Variants in SNRNP35 observed in about 807,000 individuals in gnomAD.
SNRNP35 encodes U11/U12 small nuclear ribonucleoprotein 35 kDa protein.
SNRNP35 carries 16 observed loss-of-function variants against 24.3 expected under a neutral mutation model. The ratio of observed to expected loss-of-function variants is 0.66; its 90% CI spans 0.45 to 1.00. SNRNP35 has a LOEUF of 1.00. Among genes scored for constraint, SNRNP35 ranks in the 50% least tolerant of loss-of-function variants. The pLI is 0.00. For missense variants in SNRNP35, 292 were observed against 327.2 expected, an observed-to-expected ratio of 0.89 and a Z score of 0.83; for synonymous variants, 106 against 124.8, an observed-to-expected ratio of 0.85 and a Z score of 1.00.
At chr12:123,460,889 TTCAGGCAATC>T (rs1470355974) in intron 1 of SNRNP35, among the ~76,000 whole-genome samples, 4 of 151,632 alleles carry the variant, frequency 2.6e-5, no homozygotes, top group African/African-American at 9.7e-5. Flanking sequence ...AACTCCCGAC[TTCAGGCAATC>T]TGCCCACTTT....
exon 2 of SNRNP35, chr12:123,472,578 C>G (rs1289035966): frequency 6.4e-7 from 1 of 1,555,334 alleles, no homozygotes; most frequent in Non-Finnish European, 8.7e-7. Flanking sequence ...CTCTGTGTAA[C>G]CGTCATCGCG....
chr12:123,465,653 G>A lies in SNRNP35; in HGVS notation c.113G>A (p.Arg38Gln), dbSNP rs749023802. The change falls in exon 2 of 2, where the codon CGA (arginine) becomes CAA (glutamine). Residue 38 changes from arginine (R) to glutamine (Q), a missense_variant. Arg to Gln is a conservative substitution (Grantham distance 43, BLOSUM62 1). Transcript: ENST00000526639. This position sits in a 1 kb window ranked among gnomAD's most constrained non-coding sequence, Gnocchi z 4.2. ...GCGGTCTGGAGGGCAATGCTGGCAC[G>A]ATATGTCCCCAACAAAGGTGTCATA... The part of the protein sequence containing the change: ...DRAVWRAMLA[R>Q]YVPNKGVIGD... 23 of 1,613,754 alleles carry A rather than the reference G, an allele frequency of 1.4e-5. No individual in the cohort carries two copies. The highest frequency in any genetic ancestry group is 1.6e-4 in the Middle Eastern group (1 of 6,080).
At chr12:123,470,802 G>A (rs963493985), downstream of SNRNP35, 1 of 152,116 alleles carries the variant, frequency 6.6e-6, no homozygotes, top group Non-Finnish European at 1.5e-5. Context: ...GAGACATTTA[G>A]TGTTTAGGAA....
At chr12:123,460,759 C>A (rs1198691724) in intron 1 of SNRNP35, among the ~76,000 whole-genome samples, 2 of 151,776 alleles carry the variant, frequency 1.3e-5, no homozygotes, top group African/African-American at 4.8e-5. Flanking sequence ...AAAAAAAATT[C>A]AAGCGATTCT....
chr12:123,464,792 C>T (rs1880851722), intron 1 of SNRNP35: 1 of 152,202 alleles, frequency 6.6e-6, no homozygotes. Flanking sequence ...GAAGAAATCC[C>T]ATGTTCCTTT....
Position 123,472,541 on chromosome 12 carries a change from C to T in SNRNP35, n.1548C>T, listed in dbSNP as rs1282027096. ...GGAGGGTGGAGATGGGCCAAGGTCA[C>T]AGATGCTGCAGGGCTTCCTGTCCTT... is the stretch of plus-strand genomic sequence containing the variant. On this transcript the variant is annotated non_coding_transcript_exon_variant, in exon 2 of 2. Coordinates refer to the SNRNP35 transcript ENST00000527158. 5.2e-6 allele frequency: 8 copies of T among 1,551,270 alleles called. No homozygotes were observed. In the South Asian group the frequency reaches 8.3e-5, roughly 16 times the overall value.
chr12:123,458,398 A>C (rs1483712660), intron 1 of SNRNP35, among the ~76,000 whole-genome samples, 182 bp downstream of exon 1: 1 of 148,306 alleles, frequency 6.7e-6, no homozygotes, highest in African/African-American at 2.4e-5. Flanking sequence ...ATGGCGCCTT[A>C]CTCCCTGCGG....
rs372140743 is a variant in SNRNP35 at position 123,466,353 on chromosome 12, C to T, written c.*72C>T. The T allele has an allele frequency of 1.2e-4, 175 of 1,419,226 alleles. No homozygotes were observed. The highest frequency in any genetic ancestry group is 6.3e-4 in the Admixed American group (25 of 39,928). 87.9% of individuals were successfully genotyped at this position (1,419,226 alleles called of 1,614,324 possible). A position where few individuals can be genotyped will look rare whatever the true frequency, so the allele number is the denominator to read the frequency against. On this transcript the variant is annotated 3_prime_UTR_variant, in exon 2 of 2. Coordinates refer to ENST00000526639, the MANE Select transcript of SNRNP35 (RefSeq NM_022717.4). Reference sequence around the variant, plus strand: ...GGAGGGGGATTGTCTTTCAACGCAGCGTGAGTCTAATGGTTGAATAAAACT... The same window carrying T: ...GGAGGGGGATTGTCTTTCAACGCAGTGTGAGTCTAATGGTTGAATAAAACT...
In SNRNP35 at chr12:123,458,206, G is replaced by A. The variant is rs1175706365; in HGVS notation, c.-14G>A. 2.0e-6 allele frequency: 2 copies of A among 985,406 alleles called. No individual in the cohort carries two copies. Among genetic ancestry groups the A allele is most frequent in the East Asian group, 2.3e-4 (2 of 8,826 alleles). 61.0% of individuals were successfully genotyped at this position (985,406 alleles called of 1,614,324 possible). ...CTGTCTCCGTCGGAAGGGAGCCCAAGCTTTGCAGAGGTGAGTGGAAGCGGC... is the reference window on the plus strand; with the variant it reads ...CTGTCTCCGTCGGAAGGGAGCCCAAACTTTGCAGAGGTGAGTGGAAGCGGC... On this transcript the variant is annotated 5_prime_UTR_variant, in exon 1 of 2. Transcript: ENST00000526639.
At chr12:123,472,759 A>G (rs1037914602) in exon 2 of SNRNP35, 3 of 1,486,968 alleles carry the variant, frequency 2.0e-6, no homozygotes, top group Non-Finnish European at 2.7e-6. Context: ...AATGCCGGAG[A>G]CATATAGCAG....
At chr12:123,472,637 C>T (rs1342114516) in exon 2 of SNRNP35, 3 of 1,596,216 alleles carry the variant, frequency 1.9e-6, no homozygotes, top group Non-Finnish European at 2.6e-6. Flanking sequence ...GCACGTTTCT[C>T]TGTGTGTTGG....
rs1349118783 is a variant in SNRNP35 at position 123,465,732 on chromosome 12, G to A, written c.192G>A (p.Glu64=). The change falls in exon 2 of 2, where the codon GAG becomes GAA. Residue 64 remains glutamate (E), a synonymous_variant. Coordinates refer to ENST00000526639, the MANE Select transcript of SNRNP35 (RefSeq NM_022717.4). This position sits in a 1 kb window ranked among gnomAD's most constrained non-coding sequence, Gnocchi z 4.2. ...FVARLNLQTK[E]DKLKEVFSRY... ...CCAGACTAAACTTGCAGACCAAGGA[G>A]GACAAATTAAAGGAAGTCTTTTCCC... The A allele has an allele frequency of 2.5e-6, 4 of 1,613,808 alleles. No homozygotes were observed. Among genetic ancestry groups the A allele is most frequent in the African/African-American group, 1.3e-5 (1 of 74,888 alleles).
exon 2 of SNRNP35, chr12:123,472,637 CTG>C: frequency 4.4e-6 from 7 of 1,596,216 alleles, no homozygotes; most frequent in Non-Finnish European, 6.0e-6. Flanking sequence ...GCACGTTTCT[CTG>C]TGTGTTGGCC....
Position 123,466,598 on chromosome 12 carries a change from G to GA in SNRNP35, c.*318dup, listed in dbSNP as rs1880997242. On this transcript the variant is annotated 3_prime_UTR_variant, in exon 2 of 2. Coordinates refer to ENST00000526639, the MANE Select transcript of SNRNP35 (RefSeq NM_022717.4). ...GAGTCTCACTCTGTTGCCAGGGCTGGAGTGCAGTGGTAAAATCTTGGCTCA... is the reference window on the plus strand; with the variant it reads ...GAGTCTCACTCTGTTGCCAGGGCTGGAAGTGCAGTGGTAAAATCTTGGCTCA... The GA allele has an allele frequency of 5.4e-6, 1 of 186,892 alleles. No individual in the cohort carries two copies. The highest frequency in any genetic ancestry group is 1.1e-5 in the Non-Finnish European group (1 of 91,816). The allele number at this position is 186,892 out of a possible 1,614,324, so 11.6% of individuals were successfully genotyped here. A position where few individuals can be genotyped will look rare whatever the true frequency, so the allele number is the denominator to read the frequency against.
Position 123,465,899 on chromosome 12 carries a change from A to G in SNRNP35, c.359A>G (p.His120Arg), listed in dbSNP as rs141479057. Residue 120 changes from histidine to arginine, a missense_variant, in exon 2 of 2, where the codon CAT (histidine) becomes CGT (arginine). Transcript: ENST00000526639. The surrounding 1 kb of genome is among the most constrained non-coding windows in gnomAD (Gnocchi z 4.2). ...GCTGATGGCCTGGTTATTGACCAGCATGAGATATTTGTGGACTACGAGCTG... is the reference window on the plus strand; with the variant it reads ...GCTGATGGCCTGGTTATTGACCAGCGTGAGATATTTGTGGACTACGAGCTG... ...RDADGLVIDQ[H>R]EIFVDYELER... The G allele has an allele frequency of 2.5e-6, 4 of 1,614,000 alleles. No individual in the cohort carries two copies. Among genetic ancestry groups the G allele is most frequent in the Non-Finnish European group, 3.4e-6 (4 of 1,180,000 alleles).
In SNRNP35 at chr12:123,465,437, G is replaced by A; in HGVS notation, c.-3-101G>A. On this transcript the variant is annotated intron_variant, in intron 1 of 1. Transcript: ENST00000526639. The surrounding 1 kb of genome is among the most constrained non-coding windows in gnomAD (Gnocchi z 4.2). ...TGTTCCCTTCCTTTCCTGTTTTTAA[G>A]AAGAGGTGAATGATAGTATCCTTTT... 1 of 1,365,604 alleles carries A rather than the reference G, an allele frequency of 7.3e-7. No homozygotes were observed. The highest frequency in any genetic ancestry group is 1.5e-5 in the African/African-American group (1 of 68,834). 84.6% of individuals were successfully genotyped at this position (1,365,604 alleles called of 1,614,324 possible). A position where few individuals can be genotyped will look rare whatever the true frequency, so the allele number is the denominator to read the frequency against.
intron 1 of SNRNP35, among the ~76,000 whole-genome samples, chr12:123,461,377 C>T (rs896826153): frequency 4.2e-5 from 6 of 141,936 alleles, no homozygotes; most frequent in Non-Finnish European, 9.3e-5. Flanking sequence ...CTGCCCGCCT[C>T]GGCCTCCCAA....
At chr12:123,458,313 A>G (rs1880390506) in intron 1 of SNRNP35, 97 bp downstream of exon 1, 5 of 832,668 alleles carry the variant, frequency 6.0e-6, no homozygotes, top group Admixed American at 6.2e-5. Context: ...GTGGGGCGCC[A>G]TGTTGAAACC....
chr12:123,472,107 A>C (rs1881227859), exon 2 of SNRNP35: 1 of 176,174 alleles, frequency 5.7e-6, no homozygotes, highest in East Asian at 1.4e-4. Context: ...ACTAATGAAG[A>C]TCTAGCCCTT....
Sources: gnomAD v4.1 joint callset for allele counts (sites outside exome capture counted in the v4.1 genomes callset) on GRCh38, gnomAD v4.1.1 for gene constraint, Gnocchi (gnomAD v3.1) non-coding constraint, MANE v1.5 for transcripts, NCBI Gene and HGNC (gene_info 2026-07-23, HGNC 2026-07-21) for gene names.